Variants in PLCH1 observed in about 807,000 individuals in gnomAD.
The protein encoded by PLCH1 is phospholipase C eta 1, also known as 1-phosphatidylinositol 4,5-bisphosphate phosphodiesterase eta-1.
PLCH1 carries 60 observed loss-of-function variants against 126.7 expected under a neutral mutation model. That is an observed-to-expected ratio of 0.47 (90% CI 0.38 to 0.59). PLCH1 has a LOEUF of 0.59. Among genes scored for constraint, PLCH1 ranks in the 20% least tolerant of loss-of-function variants. The pLI is 0.00. For missense variants in PLCH1, 1,723 were observed against 2,040.0 expected (o/e 0.84, Z 2.99); for synonymous variants, 719 against 734.9 (o/e 0.98, Z 0.35).
chr3:155,544,380 C>A (rs1414752581), intron 10 of PLCH1, among the ~76,000 whole-genome samples: 1 of 152,192 alleles, frequency 6.6e-6, no homozygotes, highest in Non-Finnish European at 1.5e-5. Context: ...CACCCAGATT[C>A]ATAAAGCAAG....
intron 2 of PLCH1, among the ~76,000 whole-genome samples, chr3:155,601,730 T>C (rs1452713717): frequency 1.3e-5 from 2 of 152,162 alleles, no homozygotes; most frequent in African/African-American, 2.4e-5. Context: ...GTCATTGATA[T>C]GCAGTAAAAT....
At chr3:155,628,372 A>G (rs1737613232) in intron 2 of PLCH1, among the ~76,000 whole-genome samples, 1 of 151,572 alleles carries the variant, frequency 6.6e-6, no homozygotes, top group African/African-American at 2.4e-5. Context: ...AAAAAAAAAA[A>G]AAAAATCCTT....
intron 21 of PLCH1, among the ~76,000 whole-genome samples, chr3:155,486,515 T>TG (rs1284744494): frequency 1.4e-5 from 1 of 69,696 alleles, no homozygotes; most frequent in African/African-American, 1.3e-4. Context: ...TCAAGTTTGT[T>TG]TTTTTTTTTT....
intron 2 of PLCH1, among the ~76,000 whole-genome samples, chr3:155,613,224 A>G (rs1735355149): frequency 6.6e-6 from 1 of 152,186 alleles, no homozygotes; most frequent in African/African-American, 2.4e-5. Flanking sequence ...CAGACATTCA[A>G]AGAAGAACTG....
chr3:155,697,397 C>T (rs378905), intron 2 of PLCH1, among the ~76,000 whole-genome samples: 60,576 of 151,856 alleles, frequency 0.4, 12,841 homozygotes, highest in African/African-American at 0.53. Context: ...CGCTGTTAGG[C>T]GTATAATATC....
At chr3:155,649,120 AG>A (rs993978528) in intron 2 of PLCH1, among the ~76,000 whole-genome samples, 5 of 152,138 alleles carry the variant, frequency 3.3e-5, no homozygotes, top group African/African-American at 1.2e-4. Flanking sequence ...GGGGGCTCAG[AG>A]GGCAATTCGA....
At chr3:155,630,162 TG>T (rs1214611792) in intron 2 of PLCH1, among the ~76,000 whole-genome samples, 1 of 152,250 alleles carries the variant, frequency 6.6e-6, no homozygotes, top group African/African-American at 2.4e-5. Context: ...AATGAATTGG[TG>T]GTTCAACAAA....
chr3:155,686,133 T>C (rs1411122237), intron 2 of PLCH1, among the ~76,000 whole-genome samples: 1 of 152,132 alleles, frequency 6.6e-6, no homozygotes, highest in Non-Finnish European at 1.5e-5. Flanking sequence ...CGTGCATGCA[T>C]GCGTGTGTGT....
At chr3:155,713,828 T>C (rs765198250) in intron 1 of PLCH1, among the ~76,000 whole-genome samples, 3 of 152,244 alleles carry the variant, frequency 2.0e-5, no homozygotes, top group Non-Finnish European at 4.4e-5. Flanking sequence ...TTTCCAATTT[T>C]AATACTCAAT....
chr3:155,732,530 A>T (rs1041423367), intron 1 of PLCH1, among the ~76,000 whole-genome samples: 1 of 152,018 alleles, frequency 6.6e-6, no homozygotes, highest in Non-Finnish European at 1.5e-5. Context: ...AAAAAAAAAA[A>T]AAAGAACTAA....
chr3:155,620,851 G>A (rs939049664), intron 2 of PLCH1, among the ~76,000 whole-genome samples: 4 of 150,986 alleles, frequency 2.6e-5, no homozygotes, highest in Non-Finnish European at 5.9e-5. Flanking sequence ...AGACTTAAAC[G>A]TCCCTACCTG....
intron 1 of PLCH1, among the ~76,000 whole-genome samples, chr3:155,740,751 C>T (rs901694538): frequency 3.9e-5 from 6 of 152,158 alleles, no homozygotes; most frequent in East Asian, 1.9e-4. Flanking sequence ...CCCTAGATTT[C>T]CTGAAAACAA....
At chr3:155,541,731 C>T (rs12633589) in intron 10 of PLCH1, among the ~76,000 whole-genome samples, 5,204 of 152,108 alleles carry the variant, frequency 0.034, 117 homozygotes, top group East Asian at 0.084. Context: ...AAATGTGACA[C>T]AGAGACACAA....
chr3:155,456,888 T>A (rs1445181933), intron 21 of PLCH1: 1 of 152,948 alleles, frequency 6.5e-6, no homozygotes, highest in Non-Finnish European at 1.5e-5. Flanking sequence ...GGTGGCCACA[T>A]AATTTGGGTG....
At chr3:155,721,022 C>T (rs987339611) in intron 1 of PLCH1, among the ~76,000 whole-genome samples, 1 of 152,080 alleles carries the variant, frequency 6.6e-6, no homozygotes, top group African/African-American at 2.4e-5. Flanking sequence ...GATCAGTTGG[C>T]TGTATATATT....
chr3:155,610,686 A>G (rs950939972), intron 2 of PLCH1, among the ~76,000 whole-genome samples: 1 of 152,184 alleles, frequency 6.6e-6, no homozygotes, highest in Non-Finnish European at 1.5e-5. Flanking sequence ...CTACCACACC[A>G]GCACTACAAG....
intron 21 of PLCH1, among the ~76,000 whole-genome samples, chr3:155,455,057 CT>C: frequency 6.6e-6 from 1 of 152,336 alleles, no homozygotes; most frequent in Non-Finnish European, 1.5e-5. Context: ...GTTTTCTTTT[CT>C]CCTGAGAGAT....
intron 2 of PLCH1, among the ~76,000 whole-genome samples, chr3:155,684,737 C>T (rs74414768): frequency 0.023 from 3,542 of 152,220 alleles, 39 homozygotes; most frequent in Non-Finnish European, 0.036. Context: ...AGTACTATCA[C>T]AACAGTCTAA....
chr3:155,710,868 T>C (rs865812793), intron 1 of PLCH1, among the ~76,000 whole-genome samples: 2 of 149,588 alleles, frequency 1.3e-5, no homozygotes, highest in African/African-American at 4.9e-5. Flanking sequence ...AAAATATAGC[T>C]GCATGTTTAC....
Sources: gnomAD v4.1 joint callset for allele counts (sites outside exome capture counted in the v4.1 genomes callset) on GRCh38, gnomAD v4.1.1 for gene constraint, MANE v1.5 for transcripts, NCBI Gene and HGNC (gene_info 2026-07-23, HGNC 2026-07-21) for gene names.